CAMSAP1: variants seen among roughly 807,000 people sequenced by gnomAD.
CAMSAP1 encodes calmodulin regulated spectrin associated protein 1, also known as calmodulin-regulated spectrin-associated protein 1.
In CAMSAP1, 58 loss-of-function variants were observed where a neutral mutation model predicts 143.5. That is an observed-to-expected ratio of 0.40 (90% CI 0.33 to 0.50). The LOEUF (loss-of-function observed/expected upper bound fraction) is 0.50, where lower values mean the gene tolerates loss of function less well. Ranked by LOEUF, CAMSAP1 falls within the 20% of genes least tolerant of loss-of-function variation. The pLI is 0.45. For missense variants in CAMSAP1, 1,969 were observed against 2,115.7 expected (o/e 0.93, Z 1.36); for synonymous variants, 945 against 859.3 (o/e 1.10, Z -1.74).
intron 3 of CAMSAP1, among the ~76,000 whole-genome samples, chr9:135,874,479 G>GC (rs1554797545): frequency 1.0e-4 from 1 of 9,626 alleles, no homozygotes; most frequent in Non-Finnish European, 3.3e-4. Context: ...TCTCAAAAAA[G>GC]GGGGGGGGGG....
At chr9:135,829,108 A>G (rs1255618935) in intron 7 of CAMSAP1, among the ~76,000 whole-genome samples, 1 of 152,240 alleles carries the variant, frequency 6.6e-6, no homozygotes, top group African/African-American at 2.4e-5. Flanking sequence ...ACAAAAACAT[A>G]AAAAGTATGA....
At chr9:135,816,252 G>A (rs543069501) in intron 14 of CAMSAP1, among the ~76,000 whole-genome samples, 30 of 152,306 alleles carry the variant, frequency 2.0e-4, no homozygotes, top group African/African-American at 6.5e-4. Flanking sequence ...GCCCTTCACC[G>A]AAGGGGTTCA....
chr9:135,891,509 A>G (rs954301676), intron 1 of CAMSAP1, among the ~76,000 whole-genome samples: 11 of 152,222 alleles, frequency 7.2e-5, no homozygotes, highest in African/African-American at 2.7e-4. Context: ...GCCACCACCC[A>G]TGACAGCAAA....
At chr9:135,848,022 A>C (rs1469920462) in intron 7 of CAMSAP1, among the ~76,000 whole-genome samples, 2 of 116,518 alleles carry the variant, frequency 1.7e-5, no homozygotes, top group Non-Finnish European at 3.6e-5. Context: ...GCAGTCATGA[A>C]GGCATCAAAC....
At chr9:135,886,223 A>G (rs1170769909) in intron 1 of CAMSAP1, among the ~76,000 whole-genome samples, 1 of 152,224 alleles carries the variant, frequency 6.6e-6, no homozygotes, top group Non-Finnish European at 1.5e-5. Flanking sequence ...AGGGAGTCAA[A>G]CAGGAAGAGA....
chr9:135,817,155 T>C (rs757249512), intron 14 of CAMSAP1, among the ~76,000 whole-genome samples: 11 of 152,130 alleles, frequency 7.2e-5, no homozygotes, highest in Non-Finnish European at 1.3e-4. Flanking sequence ...TACAGGGACA[T>C]GGCATTTCAA....
At position 135,824,944 on chromosome 9, in the gene CAMSAP1, T is replaced by G; in HGVS notation, c.1224-64A>C. The G allele has an allele frequency of 7.8e-7, 1 of 1,287,726 alleles. No individual in the cohort carries two copies. The highest frequency in any genetic ancestry group is 1.1e-6 in the Non-Finnish European group (1 of 915,772). The allele number at this position is 1,287,726 out of a possible 1,614,324, so 79.8% of individuals were successfully genotyped here. A position where few individuals can be genotyped will look rare whatever the true frequency, so the allele number is the denominator to read the frequency against. ...ATCAAACTTCAAGGTCAACAGCAAA[T>G]GCACAAGTGTACAGGACCATCCTGA... On this transcript the variant is annotated intron_variant, in intron 8 of 16. Coordinates refer to ENST00000389532, the MANE Select transcript of CAMSAP1 (RefSeq NM_015447.4). The surrounding 1 kb of genome is among the most constrained non-coding windows in gnomAD (Gnocchi z 4.1).
At chr9:135,901,132 C>G (rs995258187) in intron 1 of CAMSAP1, among the ~76,000 whole-genome samples, 14 of 152,186 alleles carry the variant, frequency 9.2e-5, no homozygotes, top group African/African-American at 3.1e-4. Context: ...ATATTCCTGT[C>G]AAGGGCACCA....
At chr9:135,845,266 C>A (rs1836509876) in intron 7 of CAMSAP1, among the ~76,000 whole-genome samples, 2 of 152,152 alleles carry the variant, frequency 1.3e-5, no homozygotes, top group African/African-American at 2.4e-5. Context: ...TGACAAAAAA[C>A]CACATGATTA....
intron 2 of CAMSAP1, 79 bp from the exon 3 acceptor site, chr9:135,881,873 T>C (rs1837966612): frequency 2.7e-6 from 4 of 1,495,914 alleles, no homozygotes; most frequent in Non-Finnish European, 3.6e-6. Context: ...CTGCTCATAC[T>C]CAGCATTCTG....
At chr9:135,855,972 A>G (rs977863683) in intron 5 of CAMSAP1, among the ~76,000 whole-genome samples, 30 of 151,886 alleles carry the variant, frequency 2.0e-4, no homozygotes, top group Non-Finnish European at 3.1e-4. Context: ...GAATGGCGTG[A>G]ACCTGGGAGG....
At chr9:135,891,066 T>A (rs978915013) in intron 1 of CAMSAP1, among the ~76,000 whole-genome samples, 3 of 152,334 alleles carry the variant, frequency 2.0e-5, no homozygotes, top group African/African-American at 7.2e-5. Context: ...TTCTCTTTTC[T>A]GCCCTGGCTG....
chr9:135,846,776 GA>G (rs914376185), intron 7 of CAMSAP1, among the ~76,000 whole-genome samples: 4 of 149,044 alleles, frequency 2.7e-5, no homozygotes, highest in Non-Finnish European at 4.4e-5. Context: ...ACAAACATAA[GA>G]AAAAAAGCTC....
At chr9:135,871,956 G>A (rs985730992) in intron 3 of CAMSAP1, among the ~76,000 whole-genome samples, 2 of 152,060 alleles carry the variant, frequency 1.3e-5, no homozygotes, top group African/African-American at 4.8e-5. Context: ...TATAAAATTA[G>A]CCGGGCATAG....
chr9:135,832,841 T>C (rs997913249), intron 7 of CAMSAP1, among the ~76,000 whole-genome samples: 1 of 152,094 alleles, frequency 6.6e-6, no homozygotes, highest in African/African-American at 2.4e-5. Context: ...GAGTAAAAGA[T>C]CTGTACACTG....
intron 1 of CAMSAP1, among the ~76,000 whole-genome samples, chr9:135,885,635 C>G (rs1200796600): frequency 6.6e-6 from 1 of 152,228 alleles, no homozygotes; most frequent in Non-Finnish European, 1.5e-5. Context: ...CTTTTACAAT[C>G]TACCAAGTAG....
intron 2 of CAMSAP1, among the ~76,000 whole-genome samples, 163 bp from the exon 3 acceptor site, chr9:135,881,957 T>C (rs964248818): frequency 1.3e-5 from 2 of 152,208 alleles, no homozygotes; most frequent in African/African-American, 2.4e-5. Context: ...CCCCGCACCA[T>C]CACTGTTCCA....
intron 4 of CAMSAP1, chr9:135,865,444 T>A: frequency 1.4e-6 from 2 of 1,383,702 alleles, no homozygotes; most frequent in Non-Finnish European, 2.0e-6. Flanking sequence ...TAACACACAC[T>A]TCCCCACGGC....
In CAMSAP1 at chr9:135,822,855, T is replaced by A. The variant is rs771636468; in HGVS notation, c.1806A>T (p.Pro602=). Residue 602 remains proline, a synonymous_variant, in exon 11 of 17, where the codon CCA becomes CCT. Transcript: ENST00000389532. The surrounding 1 kb of genome is among the most constrained non-coding windows in gnomAD (Gnocchi z 6.1). The part of the protein sequence containing the change: ...LEPLMPAVLK[P]AKEKQVITKE... Reference sequence around the variant, plus strand: ...TGGTGATCACCTGCTTCTCTTTCGCTGGCTTAAGAACTGCTGGCATCAAAG... The same window carrying A: ...TGGTGATCACCTGCTTCTCTTTCGCAGGCTTAAGAACTGCTGGCATCAAAG... 6.2e-6 allele frequency: 10 copies of A among 1,613,916 alleles called. No homozygotes were observed. The highest frequency in any genetic ancestry group is 1.3e-5 in the African/African-American group (1 of 75,026).
Sources: gnomAD v4.1 joint callset for allele counts (sites outside exome capture counted in the v4.1 genomes callset) on GRCh38, gnomAD v4.1.1 for gene constraint, Gnocchi (gnomAD v3.1) non-coding constraint, MANE v1.5 for transcripts, NCBI Gene and HGNC (gene_info 2026-07-23, HGNC 2026-07-21) for gene names.